SAMD12: variants seen among roughly 807,000 people sequenced by gnomAD.
SAMD12 encodes the protein sterile alpha motif domain-containing protein 12.
SAMD12 carries 9 observed loss-of-function variants against 15.0 expected under a neutral mutation model. The observed-to-expected ratio is 0.60, with a 90% CI of 0.36 to 1.05. SAMD12 has a LOEUF of 1.05. Ranked by LOEUF, SAMD12 falls within the 50% of genes least tolerant of loss-of-function variation. The probability of loss-of-function intolerance (pLI) is 0.01; values close to 1 mark genes in which losing one functional copy is unlikely to be tolerated. For missense variants in SAMD12, 230 were observed against 234.2 expected (o/e 0.98, Z 0.12); for synonymous variants, 86 against 90.1 (o/e 0.96, Z 0.25).
At chr8:118,158,303 A>C in the SAMD12 span, among the ~76,000 whole-genome samples, 1 of 152,266 alleles carries the variant, frequency 6.6e-6, no homozygotes, top group Non-Finnish European at 1.5e-5. Context: ...GCCTGCTTAC[A>C]CCAGCAAGAA....
At chr8:118,283,793 T>C (rs916103564) in intron 4 of SAMD12, among the ~76,000 whole-genome samples, 3 of 152,112 alleles carry the variant, frequency 2.0e-5, no homozygotes, top group Admixed American at 6.5e-5. Context: ...ATAGAGGAGA[T>C]TGAGCAGATG....
chr8:118,171,801 T>G, the SAMD12 span, among the ~76,000 whole-genome samples: 1 of 151,612 alleles, frequency 6.6e-6, no homozygotes, highest in Non-Finnish European at 1.5e-5. Flanking sequence ...CTTGGCCCCT[T>G]GAATATATTT....
intron 4 of SAMD12, among the ~76,000 whole-genome samples, chr8:118,335,091 C>T (rs997259676): frequency 2.0e-5 from 3 of 152,144 alleles, no homozygotes; most frequent in Non-Finnish European, 2.9e-5. Context: ...TGTTGAAGGT[C>T]TTTGCATCAC....
chr8:118,376,385 G>C (rs984437459), downstream of SAMD12, among the ~76,000 whole-genome samples: 5 of 152,144 alleles, frequency 3.3e-5, no homozygotes, highest in African/African-American at 4.8e-5. Context: ...CAGCCCTCAT[G>C]TATGGGATTG....
At chr8:118,204,174 A>G (rs1324473957) in intron 4 of SAMD12, among the ~76,000 whole-genome samples, 1 of 149,582 alleles carries the variant, frequency 6.7e-6, no homozygotes, top group Non-Finnish European at 1.5e-5. Flanking sequence ...TATAAGAATC[A>G]AGATTGGATG....
At chr8:118,205,334 T>A (rs1032548107) in intron 4 of SAMD12, among the ~76,000 whole-genome samples, 1 of 152,184 alleles carries the variant, frequency 6.6e-6, no homozygotes, top group Non-Finnish European at 1.5e-5. Context: ...AGGAGCAGAG[T>A]CTACAGATAA....
chr8:118,373,936 C>T (rs994022534), downstream of SAMD12, among the ~76,000 whole-genome samples: 1 of 152,062 alleles, frequency 6.6e-6, no homozygotes, highest in Admixed American at 6.6e-5. Context: ...CAAAAGCTTG[C>T]ATTTTTTTAC....
chr8:118,384,262 G>A (rs1482380706), intron 3 of SAMD12, among the ~76,000 whole-genome samples: 1 of 152,192 alleles, frequency 6.6e-6, no homozygotes, highest in East Asian at 1.9e-4. Context: ...AAGCCCTAGA[G>A]AGGACTTTGG....
At chr8:118,551,639 A>T (rs1487074493) in intron 2 of SAMD12, among the ~76,000 whole-genome samples, 1 of 151,716 alleles carries the variant, frequency 6.6e-6, no homozygotes, top group Non-Finnish European at 1.5e-5. Context: ...GAGCAAACAC[A>T]TTCAAAAGCT....
At chr8:118,382,918 G>C (rs959880204) in intron 3 of SAMD12, among the ~76,000 whole-genome samples, 2 of 151,942 alleles carry the variant, frequency 1.3e-5, no homozygotes, top group Non-Finnish European at 2.9e-5. Context: ...TCCGATTCAC[G>C]GTCTTCTTTG....
chr8:118,388,860 C>A (rs560998607), intron 3 of SAMD12, among the ~76,000 whole-genome samples: 3 of 152,042 alleles, frequency 2.0e-5, no homozygotes, highest in African/African-American at 7.2e-5. Context: ...GAGACCAGAG[C>A]TGGGAAAGAG....
intron 4 of SAMD12, among the ~76,000 whole-genome samples, chr8:118,233,415 G>A (rs766721103): frequency 2.0e-5 from 3 of 152,056 alleles, no homozygotes; most frequent in Admixed American, 6.6e-5. Flanking sequence ...ACATCTTCCC[G>A]GACCTCTGTA....
chr8:118,497,413 G>C (rs1824646319), intron 2 of SAMD12, among the ~76,000 whole-genome samples: 1 of 152,152 alleles, frequency 6.6e-6, no homozygotes, highest in Non-Finnish European at 1.5e-5. Flanking sequence ...AATGTTCTTT[G>C]CAGTAACATG....
chr8:118,549,630 T>C (rs2131175210), intron 2 of SAMD12, among the ~76,000 whole-genome samples: 1 of 152,224 alleles, frequency 6.6e-6, no homozygotes, highest in Non-Finnish European at 1.5e-5. Flanking sequence ...GCACCTCTCC[T>C]CCTCCAAAGG....
chr8:118,214,199 T>C (rs572363963), intron 4 of SAMD12, among the ~76,000 whole-genome samples: 1 of 152,320 alleles, frequency 6.6e-6, no homozygotes, highest in Non-Finnish European at 1.5e-5. Context: ...AAACAGAATA[T>C]CGTGTCGATA....
At chr8:118,366,224 C>T (rs1173669614) in intron 4 of SAMD12, among the ~76,000 whole-genome samples, 3 of 152,156 alleles carry the variant, frequency 2.0e-5, no homozygotes, top group African/African-American at 7.2e-5. Context: ...TAACTAATAG[C>T]TGGCAAAGTT....
At chr8:118,257,590 T>A (rs1490283986) in intron 4 of SAMD12, among the ~76,000 whole-genome samples, 1 of 152,096 alleles carries the variant, frequency 6.6e-6, no homozygotes, top group Non-Finnish European at 1.5e-5. Context: ...CATCCCTGGG[T>A]CATTCAATTC....
intron 4 of SAMD12, among the ~76,000 whole-genome samples, chr8:118,341,091 T>C (rs1030662704): frequency 1.4e-4 from 21 of 152,340 alleles, no homozygotes; most frequent in African/African-American, 4.1e-4. Flanking sequence ...GAATGGCTTC[T>C]TCATTTGTGT....
chr8:118,454,127 C>G (rs1421395454), intron 2 of SAMD12, among the ~76,000 whole-genome samples: 1 of 152,132 alleles, frequency 6.6e-6, no homozygotes, highest in Non-Finnish European at 1.5e-5. Flanking sequence ...AAGCAACTTC[C>G]TAAGAAATGG....
Sources: gnomAD v4.1 joint callset for allele counts (sites outside exome capture counted in the v4.1 genomes callset) on GRCh38, gnomAD v4.1.1 for gene constraint, MANE v1.5 for transcripts, NCBI Gene and HGNC (gene_info 2026-07-23, HGNC 2026-07-21) for gene names.